Variants in DDR1 observed in about 807,000 individuals in gnomAD.
DDR1 encodes the protein discoidin domain receptor tyrosine kinase 1.
A neutral mutation model predicts 97.4 loss-of-function variants in DDR1; 64 were observed. The ratio of observed to expected loss-of-function variants is 0.66; its 90% CI spans 0.54 to 0.81. The LOEUF (loss-of-function observed/expected upper bound fraction) is 0.81. DDR1 is among the 30% of genes least tolerant of loss of function. DDR1 has a pLI of 0.00. For synonymous variants in DDR1, 458 were observed against 503.7 expected, an observed-to-expected ratio of 0.91 and a Z score of 1.21; for missense variants, 990 against 1,259.6, an observed-to-expected ratio of 0.79 and a Z score of 3.24.
chr6:30,898,189 T>C lies in DDR1; in HGVS notation c.2333T>C (p.Phe778Ser). 6.2e-7 allele frequency: 1 copy of C among 1,614,242 alleles called. No homozygotes were observed. The highest frequency in any genetic ancestry group is 1.6e-4 in the Middle Eastern group (1 of 6,062). Residue 778 changes from phenylalanine (F) to serine (S), a missense_variant, in exon 16 of 18, where the codon TTC (phenylalanine) becomes TCC (serine). By Grantham distance (155) the Phe-to-Ser change is radical. Transcript: ENST00000376568. ...ATRNCLVGEN[F>S]TIKIADFGMS... ...CGGAACTGCCTAGTTGGGGAAAATT[T>C]CACCATCAAAATCGCAGACTTTGGC...
At position 30,894,153 on chromosome 6, in the gene DDR1, G is replaced by A. The variant is rs1789760902; in HGVS notation, c.1348-353G>A. ...AATCCCAGCTACTCAGGAGGCTGAG[G>A]CATGAATCTCTTGAACCTGGGAGGC... On this transcript the variant is annotated intron_variant, in intron 10 of 17. Transcript: ENST00000376568. The surrounding 1 kb of genome is among the most constrained non-coding windows in gnomAD (Gnocchi z 5.7). 6.6e-6 allele frequency among the ~76,000 whole-genome samples: 1 copy of A among 151,652 alleles called. No individual in the cohort carries two copies. Among genetic ancestry groups the A allele is most frequent in the South Asian group, 2.1e-4 (1 of 4,818 alleles).
chr6:30,892,844 C>T, intron 8 of DDR1: 1 of 592,412 alleles, frequency 1.7e-6, no homozygotes, highest in South Asian at 2.2e-5. Flanking sequence ...CTCTAAGCCT[C>T]CAGATACCTG....
intron 10 of DDR1, 93 bp downstream of exon 10, chr6:30,893,516 G>A (rs1789467782): frequency 1.3e-6 from 2 of 1,489,710 alleles, no homozygotes; most frequent in East Asian, 2.4e-5. Flanking sequence ...CAGCCCACTA[G>A]CATCCCAAGA....
rs145774953 is a variant in DDR1, at chr6:30,897,106, C to T, written c.1962C>T (p.Val654=). 1.6e-3 allele frequency: 2,606 copies of T among 1,613,914 alleles called. 3 individuals carry two copies. The highest frequency in any genetic ancestry group is 2.0e-3 in the Non-Finnish European group (2,353 of 1,179,970). The change falls in exon 14 of 18, where the codon GTC becomes GTT. Residue 654 remains valine (V), a synonymous_variant. Transcript: ENST00000376568. This position sits in a 1 kb window ranked among gnomAD's most constrained non-coding sequence, Gnocchi z 5.2. ...VRKGHPLLVA[V]KILRPDATKN... ...AGGGACACCCTTTGCTGGTAGCTGT[C>T]AAGATCTTACGGCCAGATGCCACCA...
Position 30,898,292 on chromosome 6 carries a change from G to C in DDR1, c.2436G>C (p.Trp812Cys). ...TGCTGCCCATCCGCTGGATGGCCTG[G>C]GAGTGCATCCTCATGGTGAGCAGCC... ...RAVLPIRWMA[W>C]ECILMGKFTT... is the part of the protein sequence containing the mutation. The change falls in exon 16 of 18, where the codon TGG (tryptophan) becomes TGC (cysteine). Residue 812 changes from tryptophan to cysteine, a missense_variant. Coordinates refer to ENST00000376568, the MANE Select transcript of DDR1 (RefSeq NM_001297654.2). 6.2e-7 allele frequency: 1 copy of C among 1,613,492 alleles called. No homozygotes were observed. The highest frequency in any genetic ancestry group is 8.5e-7 in the Non-Finnish European group (1 of 1,179,532).
Position 30,892,471 on chromosome 6 carries a change from C to T in DDR1, c.1028C>T (p.Ala343Val), listed in dbSNP as rs780774872. The T allele has an allele frequency of 5.1e-5, 82 of 1,610,596 alleles. No individual in the cohort carries two copies. Among genetic ancestry groups the T allele is most frequent in the Non-Finnish European group, 7.0e-5 (82 of 1,179,656 alleles). ...TCAGTGCCCCTTGGCGGCCGTGTGG[C>T]TCGCTTTCTGCAGTGCCGCTTCCTC... is the stretch of plus-strand genomic sequence containing the variant. Reference protein sequence around the residue: ...AVSVPLGGRVARFLQCRFLFA... With the variant: ...AVSVPLGGRVVRFLQCRFLFA... Residue 343 changes from alanine to valine, a missense_variant, in exon 8 of 18, where the codon GCT (alanine) becomes GTT (valine). Coordinates refer to ENST00000376568, the MANE Select transcript of DDR1 (RefSeq NM_001297654.2).
Position 30,891,527 on chromosome 6 carries a change from CTGTGTGTGTGTGTGTG to C in DDR1, c.665+63_665+78del. Reference sequence around the variant, plus strand: ...ATGGAGTTTGGGGTGGGAGGGAGGACTGTGTGTGTGTGTGTGTGTGTGTGTGTGTGAGAGTGTGTGT... The same window carrying C: ...ATGGAGTTTGGGGTGGGAGGGAGGACTGTGTGTGTGTGTGAGAGTGTGTGT... On this transcript the variant is annotated intron_variant, in intron 6 of 17. Transcript: ENST00000376568. This position sits in a 1 kb window ranked among gnomAD's most constrained non-coding sequence, Gnocchi z 5.3. 1 of 797,054 alleles carries C rather than the reference CTGTGTGTGTGTGTGTG, an allele frequency of 1.3e-6. No homozygotes were observed. The highest frequency in any genetic ancestry group is 2.0e-6 in the Non-Finnish European group (1 of 491,464). 49.4% of individuals were successfully genotyped at this position (797,054 alleles called of 1,614,324 possible).
At chr6:30,899,114 A>C (rs1792046904) in intron 17 of DDR1, 42 bp from the exon 18 acceptor site, 4 of 1,613,972 alleles carry the variant, frequency 2.5e-6, no homozygotes, top group Non-Finnish European at 3.4e-6. Context: ...GAGACTAAAG[A>C]ATATTTGTTC....
At position 30,884,839 on chromosome 6, in the gene DDR1, C is replaced by T. The variant is rs1186321879; in HGVS notation, c.-43+129C>T. On this transcript the variant is annotated intron_variant, in intron 1 of 17. Coordinates refer to ENST00000376568, the MANE Select transcript of DDR1 (RefSeq NM_001297654.2). This position sits in a 1 kb window ranked among gnomAD's most constrained non-coding sequence, Gnocchi z 6.1. ...CCGAGCCATGCTTGGTCGTCCAGCT[C>T]TTCTAAGCCTCCCTGCCCGCCTCCC... 7.4e-6 allele frequency: 2 copies of T among 270,294 alleles called. No individual in the cohort carries two copies. 16.7% of individuals were successfully genotyped at this position (270,294 alleles called of 1,614,324 possible).
chr6:30,885,097 C>T (rs1284007041), intron 1 of DDR1: 10 of 1,149,154 alleles, frequency 8.7e-6, no homozygotes, highest in East Asian at 2.6e-5. Context: ...GCTAAGCCTC[C>T]GCTCAGCCAA....
In DDR1 at chr6:30,889,785, T is replaced by C. The variant is rs1787351788; in HGVS notation, c.417+355T>C. Among the ~76,000 whole-genome samples, 1 of 152,152 alleles carries C rather than the reference T, an allele frequency of 6.6e-6. No individual in the cohort carries two copies. The highest frequency in any genetic ancestry group is 1.5e-5 in the Non-Finnish European group (1 of 68,022). On this transcript the variant is annotated intron_variant, in intron 4 of 17. Transcript: ENST00000376568. This position sits in a 1 kb window ranked among gnomAD's most constrained non-coding sequence, Gnocchi z 4.9. ...CAAACGTACGTTTAACTTCCCAAGC[T>C]GAATTTGATTCCCATTCCCAGCCTA...
In DDR1 at chr6:30,891,562, T is replaced by TGTGTGA; in HGVS notation, c.665+88_665+89insAGTGTG. ...GTGTGTGTGTGTGTGTGTGTGAGAG[T>TGTGTGA]GTGTGTGTGTAGGGGGGCTGGTAAG... On this transcript the variant is annotated intron_variant, in intron 6 of 17. Transcript: ENST00000376568. The surrounding 1 kb of genome is among the most constrained non-coding windows in gnomAD (Gnocchi z 5.3). 2.9e-6 allele frequency: 2 copies of TGTGTGA among 691,672 alleles called. No homozygotes were observed. Among genetic ancestry groups the TGTGTGA allele is most frequent in the Non-Finnish European group, 4.6e-6 (2 of 436,132 alleles). 42.8% of individuals were successfully genotyped at this position (691,672 alleles called of 1,614,324 possible).
In DDR1 at chr6:30,890,931, C is replaced by T. The variant is rs1220421558; in HGVS notation, c.418-42C>T. 1.3e-6 allele frequency: 2 copies of T among 1,553,602 alleles called. No homozygotes were observed. The highest frequency in any genetic ancestry group is 1.7e-6 in the Non-Finnish European group (2 of 1,151,260). On this transcript the variant is annotated intron_variant, in intron 4 of 17. Coordinates refer to ENST00000376568, the MANE Select transcript of DDR1 (RefSeq NM_001297654.2). This position sits in a 1 kb window ranked among gnomAD's most constrained non-coding sequence, Gnocchi z 5.0. ...CTGGTGGGTGGGAAGTAAGATCTGA[C>T]CTGGACTCCATCCCACCCACCCCCT...
Position 30,894,760 on chromosome 6 carries a change from C to A in DDR1, c.1513+89C>A. 1 of 1,391,250 alleles carries A rather than the reference C, an allele frequency of 7.2e-7. No homozygotes were observed. The highest frequency in any genetic ancestry group is 9.6e-7 in the Non-Finnish European group (1 of 1,039,406). The allele number at this position is 1,391,250 out of a possible 1,614,324, so 86.2% of individuals were successfully genotyped here. On this transcript the variant is annotated intron_variant, in intron 11 of 17. Transcript: ENST00000376568. The surrounding 1 kb of genome is among the most constrained non-coding windows in gnomAD (Gnocchi z 5.7). ...TCCCATTCTCTTTTTTTCCTGTCTT[C>A]CCCAGTTTCCACTTGTTTTCTTCTT...
rs1353884452 is a variant in DDR1 at position 30,890,975 on chromosome 6, G to C, written c.420G>C (p.Val140=). 6.2e-7 allele frequency: 1 copy of C among 1,600,018 alleles called. No individual in the cohort carries two copies. Among genetic ancestry groups the C allele is most frequent in the Non-Finnish European group, 8.5e-7 (1 of 1,173,234 alleles). ...MGWKDRWGQE[V]ISGNEDPEGV... ...ACCCCCTGTTTCCTGGCCCACAGGT[G>C]ATCTCAGGCAATGAGGACCCTGAGG... The change falls in exon 5 of 18, where the codon GTG becomes GTC. Residue 140 remains valine, a splice_region_variant and synonymous_variant. Coordinates refer to ENST00000376568, the MANE Select transcript of DDR1 (RefSeq NM_001297654.2). The surrounding 1 kb of genome is among the most constrained non-coding windows in gnomAD (Gnocchi z 5.0).
At position 30,892,435 on chromosome 6, in the gene DDR1, C is replaced by T. The variant is rs1788835839; in HGVS notation, c.992C>T (p.Ala331Val). 6.2e-7 allele frequency: 1 copy of T among 1,607,420 alleles called. No homozygotes were observed. Among genetic ancestry groups the T allele is most frequent in the East Asian group, 2.2e-5 (1 of 44,876 alleles). Residue 331 changes from alanine to valine, a missense_variant, in exon 8 of 18, where the codon GCC (alanine) becomes GTC (valine). Coordinates refer to ENST00000376568, the MANE Select transcript of DDR1 (RefSeq NM_001297654.2). ...GGGGGCAACCTGGGGGACCCCAGAGCCCGGGCTGTCTCAGTGCCCCTTGGC... is the reference window on the plus strand; with the variant it reads ...GGGGGCAACCTGGGGGACCCCAGAGTCCGGGCTGTCTCAGTGCCCCTTGGC... Reference protein sequence around the residue: ...NLGGNLGDPRARAVSVPLGGR... With the variant: ...NLGGNLGDPRVRAVSVPLGGR...
In DDR1 at chr6:30,891,441, C is replaced by T. The variant is rs769427671; in HGVS notation, c.627C>T (p.Tyr209=). 5.6e-6 allele frequency: 9 copies of T among 1,612,956 alleles called. No individual in the cohort carries two copies. Among genetic ancestry groups the T allele is most frequent in the Non-Finnish European group, 7.6e-6 (9 of 1,179,998 alleles). Residue 209 remains tyrosine, a synonymous_variant, in exon 6 of 18, where the codon TAC becomes TAT. Coordinates refer to ENST00000376568, the MANE Select transcript of DDR1 (RefSeq NM_001297654.2). This position sits in a 1 kb window ranked among gnomAD's most constrained non-coding sequence, Gnocchi z 5.3. ...CAATGTATTTATCTGAGGCCGTGTACCTCAACGACTCCACCTATGACGGAC... is the reference window on the plus strand; with the variant it reads ...CAATGTATTTATCTGAGGCCGTGTATCTCAACGACTCCACCTATGACGGAC... The part of the protein sequence containing the change: ...GQTMYLSEAV[Y]LNDSTYDGHT...
chr6:30,895,360 G>A (rs753525131), intron 11 of DDR1, 44 bp from the exon 12 acceptor site: 1 of 1,485,264 alleles, frequency 6.7e-7, no homozygotes, highest in Non-Finnish European at 9.3e-7. Context: ...CTAGCCTTGA[G>A]TCTCATCCCT....
At position 30,885,134 on chromosome 6, in the gene DDR1, T is replaced by C; in HGVS notation, c.-43+424T>C. 4 of 1,464,534 alleles carry C rather than the reference T, an allele frequency of 2.7e-6. No homozygotes were observed. The South Asian group carries it at 3.7e-5, about 13-fold the overall frequency. 90.7% of individuals were successfully genotyped at this position (1,464,534 alleles called of 1,614,324 possible). A position where few individuals can be genotyped will look rare whatever the true frequency, so the allele number is the denominator to read the frequency against. On this transcript the variant is annotated intron_variant, in intron 1 of 17. Coordinates refer to ENST00000376568, the MANE Select transcript of DDR1 (RefSeq NM_001297654.2). ...ACCCAGTTGGTCAGTCTGGTCACAG[T>C]CCAGCAAAAAGAGGGACTGCCACTC...
Sources: allele counts gnomAD v4.1 joint callset (sites outside exome capture counted in the v4.1 genomes callset), GRCh38; gene constraint gnomAD v4.1.1; non-coding constraint Gnocchi (gnomAD v3.1); transcripts MANE v1.5; gene names NCBI Gene and HGNC (gene_info 2026-07-23, HGNC 2026-07-21).